FXR2: variants seen among roughly 807,000 people sequenced by gnomAD.
FXR2 encodes RNA-binding protein FXR2.
A neutral mutation model predicts 87.3 loss-of-function variants in FXR2; 9 were observed. The ratio of observed to expected loss-of-function variants is 0.10; its 90% CI spans 0.06 to 0.18. FXR2 has a LOEUF of 0.18. Among genes scored for constraint, FXR2 ranks in the 10% least tolerant of loss-of-function variants. FXR2 has a pLI of 1.00. For synonymous variants in FXR2, 331 were observed against 328.3 expected (o/e 1.01, Z -0.09); for missense variants, 661 against 893.6 (o/e 0.74, Z 3.32).
At position 7,593,636 on chromosome 17, in the gene FXR2, A is replaced by G; in HGVS notation, c.1108-11T>C. The G allele has an allele frequency of 6.5e-7, 1 of 1,548,668 alleles. No individual in the cohort carries two copies. ...AAGCTGCTCTACCTCCTGGTTGGGT[A>G]AAAGATGGAAGAAGGGGAAGGAGAA... On this transcript the variant is annotated splice_polypyrimidine_tract_variant and intron_variant, in intron 11 of 16. Transcript: ENST00000250113. The surrounding 1 kb of genome is among the most constrained non-coding windows in gnomAD (Gnocchi z 6.1).
At position 7,603,757 on chromosome 17, in the gene FXR2, G is replaced by A. The variant is rs2071779283; in HGVS notation, c.449C>T (p.Ala150Val). The A allele has an allele frequency of 1.9e-6, 3 of 1,613,524 alleles. No individual in the cohort carries two copies. Among genetic ancestry groups the A allele is most frequent in the Middle Eastern group, 1.6e-4 (1 of 6,074 alleles). ...CATTCCCACCATCCTTAACACTCAC[G>A]CTTCTCTCAGATCCTCGGGCACAGC... ...TMAVPEDLRE[A>V]CSNENVHKEF... The change falls in exon 5 of 17, where the codon GCC becomes GTC. Residue 150 changes from alanine (A) to valine (V), a missense_variant and splice_region_variant. Ala to Val is a moderately conservative substitution (Grantham distance 64). Around this residue, in one of 3 missense-constraint regions of FXR2, gnomAD observed 170 missense variants for 247.2 expected, o/e 0.69. Transcript: ENST00000250113.
rs2071703000 is a variant in FXR2 at position 7,595,845 on chromosome 17, G to A, written c.810C>T (p.Cys270=). ...TGACCTCCCCATAGATGCGGAAAGT[G>A]CAGGTCTCTTCACCCAACTCAATGG... The part of the protein sequence containing the change: ...VTAIELGEET[C]TFRIYGETPE... Residue 270 remains cysteine, a synonymous_variant, in exon 8 of 17, where the codon TGC becomes TGT. Transcript: ENST00000250113. The surrounding 1 kb of genome is among the most constrained non-coding windows in gnomAD (Gnocchi z 4.7). The A allele has an allele frequency of 2.5e-6, 4 of 1,613,740 alleles. No homozygotes were observed. The highest frequency in any genetic ancestry group is 3.4e-6 in the Non-Finnish European group (4 of 1,179,826).
intron 6 of FXR2, 170 bp downstream of exon 6, chr17:7,602,739 A>G (rs910097980): frequency 9.0e-6 from 4 of 446,358 alleles, no homozygotes; most frequent in Non-Finnish European, 1.2e-5. Flanking sequence ...CAAAAAAAAG[A>G]AAAAAAAAAG....
Position 7,610,861 on chromosome 17 carries a change from A to T in FXR2, c.81+3591T>A, listed in dbSNP as rs866767785. Reference sequence around the variant, plus strand: ...GGCTTCTGGAGCCTGGCACCAAGCCAGCAGAGGAAGAGAGAGCCCCAGGTT... The same window carrying T: ...GGCTTCTGGAGCCTGGCACCAAGCCTGCAGAGGAAGAGAGAGCCCCAGGTT... On this transcript the variant is annotated intron_variant, in intron 1 of 16. Coordinates refer to ENST00000250113, the MANE Select transcript of FXR2 (RefSeq NM_004860.4). 2.0e-5 allele frequency among the ~76,000 whole-genome samples: 3 copies of T among 152,350 alleles called. No individual in the cohort carries two copies. In the South Asian group the frequency reaches 6.2e-4, roughly 32 times the overall value.
At chr17:7,597,804 G>C (rs2071720414) in intron 7 of FXR2, among the ~76,000 whole-genome samples, 1 of 151,108 alleles carries the variant, frequency 6.6e-6, no homozygotes, top group Non-Finnish European at 1.5e-5. Flanking sequence ...TCCCCTCCCA[G>C]GAAGTTGGTG....
rs2071933738 is a variant in FXR2 at position 7,614,820 on chromosome 17, G to A, written c.-288C>T. ...GCTTCCGCCCGCCGCCGCCCCCGCT[G>A]CTGCCTCAGTCCCGGGACCCGCTGC... On this transcript the variant is annotated 5_prime_UTR_variant, in exon 1 of 17. Coordinates refer to ENST00000250113, the MANE Select transcript of FXR2 (RefSeq NM_004860.4). 3 of 181,236 alleles carry A rather than the reference G, an allele frequency of 1.7e-5. No individual in the cohort carries two copies. Among genetic ancestry groups the A allele is most frequent in the Non-Finnish European group, 3.4e-5 (3 of 88,184 alleles). The allele number at this position is 181,236 out of a possible 1,614,324, so 11.2% of individuals were successfully genotyped here.
At position 7,606,163 on chromosome 17, in the gene FXR2, T is replaced by C. The variant is rs191573143; in HGVS notation, c.82-14A>G. The C allele has an allele frequency of 1.2e-3, 1,866 of 1,522,778 alleles. 8 individuals are homozygous for C. The highest frequency in any genetic ancestry group is 1.0e-3 in the Non-Finnish European group (1,126 of 1,122,666). 94.3% of individuals were successfully genotyped at this position (1,522,778 alleles called of 1,614,324 possible). A position where few individuals can be genotyped will look rare whatever the true frequency, so the allele number is the denominator to read the frequency against. On this transcript the variant is annotated splice_polypyrimidine_tract_variant and intron_variant, in intron 1 of 16. Transcript: ENST00000250113. ...CTTCACAAAGCCCTAGAATGGATTTTAGAAAAAAGCAAAAAAAATAAAATG... is the reference window on the plus strand; with the variant it reads ...CTTCACAAAGCCCTAGAATGGATTTCAGAAAAAAGCAAAAAAAATAAAATG...
intron 6 of FXR2, 83 bp from the exon 7 acceptor site, chr17:7,601,608 C>A: frequency 1.2e-6 from 1 of 844,190 alleles, no homozygotes; most frequent in Non-Finnish European, 2.0e-6. Context: ...AATCAGGATG[C>A]CTAAGTCCCG....
chr17:7,602,012 T>A (rs1248417240), intron 6 of FXR2, among the ~76,000 whole-genome samples: 1 of 151,714 alleles, frequency 6.6e-6, no homozygotes, highest in Non-Finnish European at 1.5e-5. Context: ...AGGAAAATGG[T>A]TTAGAGAGAA....
Position 7,605,794 on chromosome 17 carries a change from T to G in FXR2, c.135-56A>C, listed in dbSNP as rs16956831. ...ACTCTGACTGATATGGTTGCCCATT[T>G]CTTTACAAAAGGGTTATTGCCTCAG... On this transcript the variant is annotated intron_variant, in intron 2 of 16. Transcript: ENST00000250113. The G allele has an allele frequency of 8.7e-3, 8,984 of 1,038,148 alleles. 779 individuals are homozygous for G. The Admixed American group carries it at 0.15, about 18-fold the overall frequency. The allele number at this position is 1,038,148 out of a possible 1,614,324, so 64.3% of individuals were successfully genotyped here.
In FXR2 at chr17:7,595,769, G is replaced by C; in HGVS notation, c.831+55C>G. The C allele has an allele frequency of 2.1e-6, 3 of 1,448,072 alleles. No individual in the cohort carries two copies. Among genetic ancestry groups the C allele is most frequent in the Non-Finnish European group, 2.9e-6 (3 of 1,040,386 alleles). 89.7% of individuals were successfully genotyped at this position (1,448,072 alleles called of 1,614,324 possible). ...AGTTTGAGGCTTATTTTCTACTTCGGCCTCTCTTCCCTCTATCCCCTAAGA... is the reference window on the plus strand; with the variant it reads ...AGTTTGAGGCTTATTTTCTACTTCGCCCTCTCTTCCCTCTATCCCCTAAGA... On this transcript the variant is annotated intron_variant, in intron 8 of 16. Coordinates refer to ENST00000250113, the MANE Select transcript of FXR2 (RefSeq NM_004860.4). The surrounding 1 kb of genome is among the most constrained non-coding windows in gnomAD (Gnocchi z 4.7).
At chr17:7,600,357 C>T (rs982428469) in intron 7 of FXR2, among the ~76,000 whole-genome samples, 15 of 152,284 alleles carry the variant, frequency 9.9e-5, no homozygotes, top group African/African-American at 3.6e-4. Flanking sequence ...TGCCACCACG[C>T]CCAGCTGATT....
rs375059555 is a variant in FXR2, at chr17:7,593,091, G to A, written c.1421C>T (p.Pro474Leu). ...CCTCCGGCTTTCTTCCCCTCGGGTTGGGGGATCCCTGTCGCCAGGCCCAGC... is the reference window on the plus strand; with the variant it reads ...CCTCCGGCTTTCTTCCCCTCGGGTTAGGGGATCCCTGTCGCCAGGCCCAGC... ...NRAGPGDRDP[P>L]TRGEESRRRP... The change falls in exon 13 of 17, where the codon CCA becomes CTA. Residue 474 changes from proline (P) to leucine (L), a missense_variant. Physicochemically the swap from Pro to Leu is moderately conservative, Grantham distance 98 (BLOSUM62 -3). This residue lies in a region of FXR2 where 409 missense variants were observed against 432.0 expected (regional missense o/e 0.95). Transcript: ENST00000250113. The surrounding 1 kb of genome is among the most constrained non-coding windows in gnomAD (Gnocchi z 6.1). The A allele has an allele frequency of 1.3e-6, 2 of 1,594,582 alleles. No homozygotes were observed. The highest frequency in any genetic ancestry group is 1.7e-6 in the Non-Finnish European group (2 of 1,171,232).
rs115822568 is a variant in FXR2, at chr17:7,607,356, C to T, written c.82-1207G>A. Among the ~76,000 whole-genome samples the T allele has an allele frequency of 8.8e-3, 1,334 of 152,024 alleles. 16 individuals carry two copies. Among genetic ancestry groups the T allele is most frequent in the African/African-American group, 0.03 (1,247 of 41,478 alleles). Reference sequence around the variant, plus strand: ...AAGAAAAAGAAAAAGAAATCTTTGCCTAATCCAAGGCCACAAAGGTTTTCT... The same window carrying T: ...AAGAAAAAGAAAAAGAAATCTTTGCTTAATCCAAGGCCACAAAGGTTTTCT... On this transcript the variant is annotated intron_variant, in intron 1 of 16. Coordinates refer to ENST00000250113, the MANE Select transcript of FXR2 (RefSeq NM_004860.4).
chr17:7,609,885 T>C (rs531139775), intron 1 of FXR2, among the ~76,000 whole-genome samples: 5 of 148,644 alleles, frequency 3.4e-5, no homozygotes, highest in African/African-American at 7.4e-5. Flanking sequence ...TGTATACATA[T>C]ACATATATAT....
At chr17:7,604,824 C>G (rs534125319) in intron 3 of FXR2, among the ~76,000 whole-genome samples, 2 of 150,134 alleles carry the variant, frequency 1.3e-5, no homozygotes, top group Non-Finnish European at 3.0e-5. Flanking sequence ...TGGGTTCAAG[C>G]GATTCTCCTG....
At chr17:7,601,585 GC>G in intron 6 of FXR2, 60 bp from the exon 7 acceptor site, 1 of 988,002 alleles carries the variant, frequency 1.0e-6, no homozygotes, top group Non-Finnish European at 1.6e-6. Context: ...CTAAGGGAGA[GC>G]CAGGGACTAG....
chr17:7,605,516 T>G, intron 3 of FXR2, 129 bp downstream of exon 3: 1 of 588,136 alleles, frequency 1.7e-6, no homozygotes, highest in Non-Finnish European at 3.1e-6. Context: ...ACTGTTGCAT[T>G]TTACATTTCC....
chr17:7,597,181 G>C (rs1405760030), intron 7 of FXR2, among the ~76,000 whole-genome samples: 3 of 152,152 alleles, frequency 2.0e-5, no homozygotes, highest in Non-Finnish European at 4.4e-5. Flanking sequence ...TCAGTCCTTA[G>C]AGGAACCCCT....
Sources: gnomAD v4.1 joint callset for allele counts (sites outside exome capture counted in the v4.1 genomes callset) on GRCh38, gnomAD v4.1.1 for gene constraint, gnomAD v4.1.1 regional missense constraint, Gnocchi (gnomAD v3.1) non-coding constraint, MANE v1.5 for transcripts, NCBI Gene and HGNC (gene_info 2026-07-23, HGNC 2026-07-21) for gene names.